Variants in CPN1 observed in about 807,000 individuals in gnomAD.
CPN1 encodes the protein carboxypeptidase N subunit 1.
Under a neutral mutation model 46.4 loss-of-function variants are expected in CPN1, and 37 were observed. The observed-to-expected ratio is 0.80, with a 90% confidence interval of 0.61 to 1.05. CPN1 has a LOEUF of 1.05. CPN1 is among the 50% of genes least tolerant of loss of function. The probability of loss-of-function intolerance (pLI) is 0.00; values close to 1 mark genes in which losing one functional copy is unlikely to be tolerated. For missense variants in CPN1, 563 were observed against 602.6 expected (o/e 0.93, Z 0.69); for synonymous variants, 224 against 235.4 (o/e 0.95, Z 0.44).
At chr10:100,049,723 C>T (rs1487699239) in intron 7 of CPN1, among the ~76,000 whole-genome samples, 1 of 152,162 alleles carries the variant, frequency 6.6e-6, no homozygotes, top group Non-Finnish European at 1.5e-5. Context: ...TTCTTAATAG[C>T]ATGAAACTAG....
intron 8 of CPN1, 89 bp from the exon 9 acceptor site, chr10:100,042,662 T>A: frequency 6.5e-7 from 1 of 1,540,272 alleles, no homozygotes. Context: ...CTAGGGAAAA[T>A]TATTATAGCA....
intron 2 of CPN1, among the ~76,000 whole-genome samples, chr10:100,071,477 T>C (rs2041484981): frequency 6.6e-6 from 1 of 152,188 alleles, no homozygotes; most frequent in African/African-American, 2.4e-5. Flanking sequence ...CCCCAGTCTG[T>C]CTGCATCTCT....
intron 1 of CPN1, among the ~76,000 whole-genome samples, chr10:100,077,898 TAAA>T (rs772938508): frequency 6.6e-6 from 1 of 151,454 alleles, no homozygotes; most frequent in Non-Finnish European, 1.5e-5. Context: ...CCTATTTATT[TAAA>T]AAAAAACAAC....
In CPN1 at chr10:100,063,619, C is replaced by G. The variant is rs773411000; in HGVS notation, c.866G>C (p.Ser289Thr). 1 of 1,612,024 alleles carries G rather than the reference C, an allele frequency of 6.2e-7. No homozygotes were observed. The highest frequency in any genetic ancestry group is 8.5e-7 in the Non-Finnish European group (1 of 1,178,128). ...GTTCCCAGGACTCCCCTTACCCTTG[C>G]TGAGAGAATACCAGGAAGCCCCATT... ...ITNGASWYSL[S>T]KGMQDFNYLH... is the part of the protein sequence containing the mutation. The change falls in exon 5 of 9, where the codon AGC becomes ACC. Residue 289 changes from serine to threonine, a missense_variant. Transcript: ENST00000370418.
At position 100,057,176 on chromosome 10, in the gene CPN1, G is replaced by C. The variant is rs746703185; in HGVS notation, c.872-24C>G. On this transcript the variant is annotated intron_variant, in intron 5 of 8. Coordinates refer to ENST00000370418, the MANE Select transcript of CPN1 (RefSeq NM_001308.3). ...TCCTAAGGGAAAGAGGGCAGCAGCA[G>C]ATTTCCATAACCAGGTTCCCACCCA... 7 of 1,612,540 alleles carry C rather than the reference G, an allele frequency of 4.3e-6. No homozygotes were observed. The East Asian group carries it at 1.6e-4, about 36-fold the overall frequency.
Position 100,042,461 on chromosome 10 carries a change from ATTTC to A in CPN1, c.1339_1342del (p.Glu447TrpfsTer3), listed in dbSNP as rs748436173. 3.1e-6 allele frequency: 5 copies of A among 1,613,422 alleles called. No homozygotes were observed. The highest frequency in any genetic ancestry group is 4.2e-6 in the Non-Finnish European group (5 of 1,179,952). ...GCCTCTCTGCAGCTGCCTCATCTCCATTTCTTTCTTTCTGGCTTGGGGCTGCACT... is the reference window on the plus strand; with the variant it reads ...GCCTCTCTGCAGCTGCCTCATCTCCATTTCTTTCTGGCTTGGGGCTGCACT... On this transcript the variant is annotated frameshift_variant, in exon 9 of 9. Coordinates refer to ENST00000370418, the MANE Select transcript of CPN1 (RefSeq NM_001308.3). LOFTEE classifies it high-confidence loss of function.
At position 100,081,422 on chromosome 10, in the gene CPN1, G is replaced by A. The variant is rs933494733; in HGVS notation, c.204C>T (p.His68=). Residue 68 remains histidine (H), a synonymous_variant, in exon 1 of 9, where the codon CAC becomes CAT. Transcript: ENST00000370418. ...RHLYVLEFSD[H]PGIHEPLEPE... ...ACTTACAGGGCTCGTGGATTCCAGG[G>A]TGGTCGCTGAACTCCAGCACGTAGA... 1.9e-6 allele frequency: 3 copies of A among 1,612,978 alleles called. No individual in the cohort carries two copies. The highest frequency in any genetic ancestry group is 1.1e-5 in the South Asian group (1 of 91,006).
intron 2 of CPN1, among the ~76,000 whole-genome samples, chr10:100,073,495 C>A (rs867091306): frequency 6.6e-6 from 1 of 151,998 alleles, no homozygotes; most frequent in African/African-American, 2.4e-5. Flanking sequence ...TAAAACAGCA[C>A]GAGTGTATTG....
intron 2 of CPN1, among the ~76,000 whole-genome samples, 191 bp downstream of exon 2, chr10:100,075,720 G>C (rs1334676723): frequency 1.3e-5 from 2 of 152,138 alleles, no homozygotes; most frequent in Non-Finnish European, 2.9e-5. Context: ...TATTGCCTGA[G>C]GTGCTGTAGG....
At chr10:100,075,285 A>G (rs1394748758) in intron 2 of CPN1, among the ~76,000 whole-genome samples, 1 of 152,178 alleles carries the variant, frequency 6.6e-6, no homozygotes, top group African/African-American at 2.4e-5. Context: ...GTAAGACTCT[A>G]TCCCAAAAAA....
chr10:100,053,518 T>C (rs2041367273), intron 7 of CPN1, among the ~76,000 whole-genome samples: 1 of 151,628 alleles, frequency 6.6e-6, no homozygotes, highest in African/African-American at 2.4e-5. Flanking sequence ...CTAGCTACAT[T>C]GGAGGCTGAG....
At chr10:100,052,170 A>C (rs552067807) in intron 7 of CPN1, among the ~76,000 whole-genome samples, 2 of 152,066 alleles carry the variant, frequency 1.3e-5, no homozygotes, top group African/African-American at 4.8e-5. Flanking sequence ...TCCTGGGTTC[A>C]AGCGATTCTC....
At chr10:100,077,571 G>A (rs539370152) in intron 1 of CPN1, among the ~76,000 whole-genome samples, 5 of 152,026 alleles carry the variant, frequency 3.3e-5, no homozygotes, top group East Asian at 1.9e-4. Context: ...TTCCTTTTCC[G>A]GACCTGGCCT....
At position 100,081,588 on chromosome 10, in the gene CPN1, A is replaced by T; in HGVS notation, c.38T>A (p.Leu13His). The change falls in exon 1 of 9, where the codon CTT (leucine) becomes CAT (histidine). Residue 13 changes from leucine (L) to histidine (H), a missense_variant. Transcript: ENST00000370418. ...CACCGGGGCAACCAACTTGAAGAGA[A>T]GGAGGAGGTGGAGGAAGACTGAGAG... ...DLLSVFLHLLLLFKLVAPVTF... is the reference protein window; with the variant it reads ...DLLSVFLHLLHLFKLVAPVTF... 1.2e-6 allele frequency: 2 copies of T among 1,614,158 alleles called. No individual in the cohort carries two copies. The highest frequency in any genetic ancestry group is 2.2e-5 in the South Asian group (2 of 91,084).
At chr10:100,058,673 A>G (rs1483354534) in intron 5 of CPN1, among the ~76,000 whole-genome samples, 1 of 152,206 alleles carries the variant, frequency 6.6e-6, no homozygotes, top group Non-Finnish European at 1.5e-5. Context: ...AAAAATAGAA[A>G]GCCCATCCTA....
chr10:100,057,616 G>A (rs891695428), intron 5 of CPN1, among the ~76,000 whole-genome samples: 8 of 152,104 alleles, frequency 5.3e-5, no homozygotes, highest in African/African-American at 1.9e-4. Flanking sequence ...GTACTGTGGC[G>A]GGTAGGCCTA....
intron 5 of CPN1, among the ~76,000 whole-genome samples, chr10:100,058,645 C>G (rs1174485568): frequency 6.6e-6 from 1 of 152,078 alleles, no homozygotes. Context: ...CTATCAAAAT[C>G]CCAATGATGT....
At position 100,076,066 on chromosome 10, in the gene CPN1, C is replaced by G. The variant is rs752224544; in HGVS notation, c.265G>C (p.Glu89Gln). The G allele has an allele frequency of 4.3e-6, 7 of 1,614,112 alleles. No homozygotes were observed. The African/African-American group carries it at 9.3e-5, about 22-fold the overall frequency. ...VKYVGNMHGN[E>Q]ALGRELMLQL... ...AGCATCAGCTCGCGGCCCAACGCTTCGTTGCCGTGCATGTTCCCCACATAC... is the reference window on the plus strand; with the variant it reads ...AGCATCAGCTCGCGGCCCAACGCTTGGTTGCCGTGCATGTTCCCCACATAC... Residue 89 changes from glutamate to glutamine, a missense_variant, in exon 2 of 9, where the codon GAA (glutamate) becomes CAA (glutamine). Physicochemically the swap from Glu to Gln is conservative, Grantham distance 29. Coordinates refer to ENST00000370418, the MANE Select transcript of CPN1 (RefSeq NM_001308.3).
chr10:100,048,762 G>A lies in CPN1; in HGVS notation c.1226C>T (p.Thr409Met), dbSNP rs143121841. The A allele has an allele frequency of 1.4e-4, 224 of 1,609,006 alleles. No individual in the cohort carries two copies. The highest frequency in any genetic ancestry group is 1.0e-4 in the Admixed American group (6 of 59,952). The change falls in exon 8 of 9, where the codon ACG becomes ATG. Residue 409 changes from threonine (T) to methionine (M), a missense_variant. By Grantham distance (81) the Thr-to-Met change is moderately conservative. Transcript: ENST00000370418. Reference sequence around the variant, plus strand: ...GTCAAGCTCAGCCTAACTCACCAACGTTGGTTCCGCAGGACCCACGGTCAC... The same window carrying A: ...GTCAAGCTCAGCCTAACTCACCAACATTGGTTCCGCAGGACCCACGGTCAC... ...VTVTVGPAEP[T>M]LVNFHLKRSI...
Sources: gnomAD v4.1 joint callset for allele counts (sites outside exome capture counted in the v4.1 genomes callset) on GRCh38, gnomAD v4.1.1 for gene constraint, MANE v1.5 for transcripts, NCBI Gene and HGNC (gene_info 2026-07-23, HGNC 2026-07-21) for gene names.